Variants in TUFT1 observed in about 807,000 individuals in gnomAD.
The protein encoded by TUFT1 is tuftelin 1, also known as tuftelin.
In TUFT1, 43 loss-of-function variants were observed where a neutral mutation model predicts 57.8. The observed-to-expected ratio is 0.74, with a 90% CI of 0.58 to 0.96. The LOEUF is 0.96. Ranked by LOEUF, TUFT1 falls within the 40% of genes least tolerant of loss-of-function variation. The probability of loss-of-function intolerance (pLI) is 0.00; values close to 1 mark genes in which losing one functional copy is unlikely to be tolerated. For synonymous variants in TUFT1, 166 were observed against 176.7 expected (o/e 0.94, Z 0.48); for missense variants, 459 against 489.0 (o/e 0.94, Z 0.58).
chr1:151,578,921 T>G, intron 10 of TUFT1, 95 bp downstream of exon 10: 1 of 968,100 alleles, frequency 1.0e-6, no homozygotes, highest in Non-Finnish European at 1.5e-6. Flanking sequence ...ATTCATGCAT[T>G]TCCCATGTCA....
chr1:151,578,028 G>GAAA, intron 9 of TUFT1, among the ~76,000 whole-genome samples: 1 of 137,382 alleles, frequency 7.3e-6, no homozygotes, highest in Admixed American at 7.3e-5. Flanking sequence ...CCTGTCTCCG[G>GAAA]AAAAAAAAAA....
intron 1 of TUFT1, chr1:151,557,676 T>G (rs1665751304): frequency 3.4e-6 from 3 of 870,464 alleles, no homozygotes; most frequent in Admixed American, 3.4e-5. Flanking sequence ...GCATCCAGTA[T>G]CTCCGTGATT....
At chr1:151,580,070 A>AGGC (rs1415795983) in intron 11 of TUFT1, among the ~76,000 whole-genome samples, 1 of 152,136 alleles carries the variant, frequency 6.6e-6, no homozygotes, top group Non-Finnish European at 1.5e-5. Context: ...AAGGAGGAGG[A>AGGC]GGCATTCATA....
At chr1:151,546,421 G>A (rs1665342363) in intron 1 of TUFT1, among the ~76,000 whole-genome samples, 1 of 152,032 alleles carries the variant, frequency 6.6e-6, no homozygotes, top group African/African-American at 2.4e-5. Flanking sequence ...GTAACTCAGT[G>A]GTTTTTAGTA....
Position 151,571,379 on chromosome 1 carries a change from T to C in TUFT1, c.594+1609T>C, listed in dbSNP as rs1301844930. Among the ~76,000 whole-genome samples the C allele has an allele frequency of 3.0e-5, 3 of 99,576 alleles. No homozygotes were observed. In the Admixed American group the frequency reaches 3.2e-4, roughly 10 times the overall value. 65.3% of individuals were successfully genotyped at this position (99,576 alleles called of 152,430 possible). A position where few individuals can be genotyped will look rare whatever the true frequency, so the allele number is the denominator to read the frequency against. On this transcript the variant is annotated intron_variant, in intron 7 of 12. Transcript: ENST00000368849. Reference sequence around the variant, plus strand: ...TTGTTGTGTAGATCGAGTGAGGTAATATATGTGAGGGCACTTTATTATTCT... The same window carrying C: ...TTGTTGTGTAGATCGAGTGAGGTAACATATGTGAGGGCACTTTATTATTCT...
At chr1:151,541,223 G>A (rs988654107) in intron 1 of TUFT1, among the ~76,000 whole-genome samples, 2 of 152,182 alleles carry the variant, frequency 1.3e-5, no homozygotes, top group African/African-American at 4.8e-5. Flanking sequence ...AGTGACCCAA[G>A]CGAAGGCTTC....
Position 151,581,101 on chromosome 1 carries a change from G to A in TUFT1, c.1109+59G>A. 4.7e-6 allele frequency: 7 copies of A among 1,493,440 alleles called. No homozygotes were observed. In the South Asian group the frequency reaches 8.0e-5, roughly 17 times the overall value. 92.5% of individuals were successfully genotyped at this position (1,493,440 alleles called of 1,614,324 possible). ...GGAGGAGGGGAGAAGGAGGGACAGA[G>A]CTCTGTAGAACCTTTAGTGCTAAGG... On this transcript the variant is annotated intron_variant, in intron 12 of 12. Coordinates refer to ENST00000368849, the MANE Select transcript of TUFT1 (RefSeq NM_020127.3).
intron 6 of TUFT1, 101 bp downstream of exon 6, chr1:151,566,329 A>G: frequency 1.2e-6 from 1 of 827,476 alleles, no homozygotes; most frequent in East Asian, 3.2e-5. Flanking sequence ...TCTCTCTCTC[A>G]TTAAATACAA....
intron 7 of TUFT1, among the ~76,000 whole-genome samples, chr1:151,570,941 A>C (rs1449350419): frequency 1.3e-5 from 2 of 152,140 alleles, no homozygotes; most frequent in African/African-American, 4.8e-5. Context: ...TCCAAGGCTC[A>C]AGCAGTCTGC....
chr1:151,578,603 G>C (rs1204777205), intron 9 of TUFT1, 118 bp from the exon 10 acceptor site: 15 of 795,212 alleles, frequency 1.9e-5, no homozygotes, highest in African/African-American at 5.2e-5. Context: ...CAGCCTACCA[G>C]GGAATCAGGC....
intron 5 of TUFT1, among the ~76,000 whole-genome samples, chr1:151,565,724 T>G (rs1266832216): frequency 6.6e-6 from 1 of 152,240 alleles, no homozygotes; most frequent in African/African-American, 2.4e-5. Flanking sequence ...TGTCAAACTT[T>G]ATCAGGATCC....
At chr1:151,545,409 ACTTAATTT>A (rs1286842023) in intron 1 of TUFT1, among the ~76,000 whole-genome samples, 2 of 152,240 alleles carry the variant, frequency 1.3e-5, no homozygotes, top group African/African-American at 4.8e-5. Context: ...TAGGCAAATT[ACTTAATTT>A]CTTCATTCTT....
chr1:151,561,717 G>T, intron 1 of TUFT1: 6 of 1,301,922 alleles, frequency 4.6e-6, no homozygotes, highest in Non-Finnish European at 6.0e-6. Context: ...CTGGTTGTCA[G>T]GAGCAGAAAT....
chr1:151,540,430 A>C lies in TUFT1; in HGVS notation c.60+4A>C. On this transcript the variant is annotated splice_donor_region_variant and intron_variant, in intron 1 of 12. Transcript: ENST00000368849. ...GCACCCAGAGGACCAGGCGGCGGTA[A>C]GAAAAAGCGCTCTCGCTGTCTTCTC... 1 of 1,614,136 alleles carries C rather than the reference A, an allele frequency of 6.2e-7. No individual in the cohort carries two copies. The highest frequency in any genetic ancestry group is 8.5e-7 in the Non-Finnish European group (1 of 1,179,962).
chr1:151,555,148 C>T (rs1368585603), intron 1 of TUFT1, among the ~76,000 whole-genome samples: 7 of 149,126 alleles, frequency 4.7e-5, no homozygotes, highest in South Asian at 2.2e-4. Context: ...GGCAACATGG[C>T]GAAACCATGT....
At position 151,574,269 on chromosome 1, in the gene TUFT1, G is replaced by T; in HGVS notation, c.595-1G>T. On this transcript the variant is annotated splice_acceptor_variant, in intron 7 of 12. Coordinates refer to ENST00000368849, the MANE Select transcript of TUFT1 (RefSeq NM_020127.3). LOFTEE classifies it high-confidence loss of function. ...TAACATATTCCTGCTCCGTGTTTTA[G>T]GTCACACTCAGCCGGTACCAGAGGG... 1 of 1,613,036 alleles carries T rather than the reference G, an allele frequency of 6.2e-7. No homozygotes were observed. The highest frequency in any genetic ancestry group is 8.5e-7 in the Non-Finnish European group (1 of 1,179,668).
intron 1 of TUFT1, among the ~76,000 whole-genome samples, chr1:151,542,217 C>T (rs1180883168): frequency 1.3e-5 from 2 of 151,256 alleles, no homozygotes; most frequent in African/African-American, 4.9e-5. Context: ...CTTTTCTTTT[C>T]TCTTTTCTTT....
intron 1 of TUFT1, 154 bp from the exon 2 acceptor site, chr1:151,561,937 G>A (rs1347883507): frequency 1.3e-6 from 2 of 1,493,994 alleles, no homozygotes; most frequent in Non-Finnish European, 1.8e-6. Context: ...GCAAGGTAAT[G>A]CTGCCTCCCT....
In TUFT1 at chr1:151,562,117, T is replaced by G; in HGVS notation, c.87T>G (p.Thr29=). The stretch of plus-strand genomic sequence containing the variant: ...GCAGCGTGGACATTCTCAGGCTGAC[T>G]CTCCAGGGTGAACTGACAGGAGATG... ...AAGSVDILRL[T]LQGELTGDEL... The change falls in exon 2 of 13, where the codon ACT becomes ACG. Residue 29 remains threonine (T), a synonymous_variant. Transcript: ENST00000368849. 6.2e-7 allele frequency: 1 copy of G among 1,614,128 alleles called. No individual in the cohort carries two copies. The highest frequency in any genetic ancestry group is 8.5e-7 in the Non-Finnish European group (1 of 1,180,014).
Sources: gnomAD v4.1 joint callset for allele counts (sites outside exome capture counted in the v4.1 genomes callset) on GRCh38, gnomAD v4.1.1 for gene constraint, MANE v1.5 for transcripts, NCBI Gene and HGNC (gene_info 2026-07-23, HGNC 2026-07-21) for gene names.